Variants in LRRC9 observed in about 807,000 individuals in gnomAD.
The protein encoded by LRRC9 is leucine-rich repeat-containing protein 9.
Under a neutral mutation model 63.2 loss-of-function variants are expected in LRRC9, and 122 were observed. The observed-to-expected ratio is 1.93, with a 90% CI of 1.67 to 2.24. The LOEUF (loss-of-function observed/expected upper bound fraction) is 2.24, where lower values mean the gene tolerates loss of function less well. LRRC9 is among the 30% of genes most tolerant of loss of function. The pLI, the probability that LRRC9 is intolerant of heterozygous loss-of-function variation, is 0.00. For missense variants in LRRC9, 1,071 were observed against 627.7 expected (o/e 1.71, Z -7.55); for synonymous variants, 366 against 213.1 (o/e 1.72, Z -6.25).
intron 8 of LRRC9, among the ~76,000 whole-genome samples, chr14:59,953,709 G>A (rs999813714): frequency 6.6e-6 from 1 of 152,052 alleles, no homozygotes; most frequent in East Asian, 1.9e-4. Flanking sequence ...TGTTGCTTTT[G>A]GTGTTTTAGT....
intron 1 of LRRC9, chr14:59,920,254 C>T (rs764059959): frequency 6.6e-6 from 1 of 152,222 alleles, no homozygotes; most frequent in African/African-American, 2.4e-5. Context: ...CCCCGGAATC[C>T]ACCCTCTCTC....
At chr14:59,994,388 T>C (rs1432374916) in intron 17 of LRRC9, among the ~76,000 whole-genome samples, 1 of 152,082 alleles carries the variant, frequency 6.6e-6, no homozygotes, top group Non-Finnish European at 1.5e-5. Context: ...TATGGAGAAA[T>C]AGGAACACTT....
chr14:60,044,413 T>C (rs1286331988), intron 29 of LRRC9, among the ~76,000 whole-genome samples: 1 of 152,196 alleles, frequency 6.6e-6, no homozygotes, highest in East Asian at 1.9e-4. Flanking sequence ...CTTTCAACTT[T>C]TTTGACATAG....
At position 59,962,736 on chromosome 14, in the gene LRRC9, T is replaced by G. The variant is rs930597516; in HGVS notation, c.1211+1691T>G. ...GATTTTTAAAAATTATTTGTTTCTT[T>G]TTAAATTATTGCAGAGGAAACTCTT... On this transcript the variant is annotated intron_variant, in intron 10 of 31. Coordinates refer to ENST00000445360, the Ensembl canonical transcript of LRRC9. The surrounding 1 kb of genome is among the most constrained non-coding windows in gnomAD (Gnocchi z 5.1). Among the ~76,000 whole-genome samples, 3 of 152,034 alleles carry G rather than the reference T, an allele frequency of 2.0e-5. No homozygotes were observed. Among genetic ancestry groups the G allele is most frequent in the African/African-American group, 7.2e-5 (3 of 41,386 alleles).
chr14:60,029,101 T>C (rs1891785346), intron 28 of LRRC9, among the ~76,000 whole-genome samples: 1 of 152,142 alleles, frequency 6.6e-6, no homozygotes, highest in African/African-American at 2.4e-5. Flanking sequence ...TGGGGATGAT[T>C]CTTCCTAAGA....
chr14:59,981,643 G>C (rs1886939747), intron 15 of LRRC9, among the ~76,000 whole-genome samples: 1 of 152,072 alleles, frequency 6.6e-6, no homozygotes, highest in South Asian at 2.1e-4. Flanking sequence ...CCAGTTTTAA[G>C]AAATGTTCAG....
chr14:59,974,680 C>A, exon 13 of LRRC9: 1 of 686,812 alleles, frequency 1.5e-6, no homozygotes, highest in Non-Finnish European at 2.7e-6. Context: ...AGAAGAAAAT[C>A]TCTCTTAAGC....
intron 17 of LRRC9, among the ~76,000 whole-genome samples, chr14:59,993,959 G>A (rs377691982): frequency 8.5e-5 from 13 of 152,130 alleles, no homozygotes; most frequent in South Asian, 4.2e-4. Flanking sequence ...TGCACCAAGC[G>A]GACCTAATAG....
At chr14:60,023,248 AG>A (rs1392775872) in intron 27 of LRRC9, among the ~76,000 whole-genome samples, 1 of 152,072 alleles carries the variant, frequency 6.6e-6, no homozygotes, top group Non-Finnish European at 1.5e-5. Flanking sequence ...CCTTGATCTA[AG>A]TAGCTTAAGA....
chr14:59,928,133 T>C (rs2139763868), intron 2 of LRRC9, 135 bp from the exon 3 acceptor site: 1 of 572,990 alleles, frequency 1.7e-6, no homozygotes, highest in Non-Finnish European at 3.1e-6. Flanking sequence ...TAATCATATA[T>C]GTGATATAAC....
rs1166811275 is a variant in LRRC9 at position 60,003,311 on chromosome 14, C to A, written c.2665-310C>A. Among the ~76,000 whole-genome samples the A allele has an allele frequency of 2.0e-5, 3 of 152,182 alleles. No individual in the cohort carries two copies. The highest frequency in any genetic ancestry group is 4.4e-5 in the Non-Finnish European group (3 of 68,038). ...TGGCAGCTGTCTACAGCAAGGCAGTCCCTGCAGGGACTGACAGCTGAAGAC... is the reference window on the plus strand; with the variant it reads ...TGGCAGCTGTCTACAGCAAGGCAGTACCTGCAGGGACTGACAGCTGAAGAC... On this transcript the variant is annotated intron_variant, in intron 20 of 31. Coordinates refer to ENST00000445360, the Ensembl canonical transcript of LRRC9. This position sits in a 1 kb window ranked among gnomAD's most constrained non-coding sequence, Gnocchi z 4.2.
intron 13 of LRRC9, among the ~76,000 whole-genome samples, chr14:59,976,057 G>A (rs1270926780): frequency 5.3e-5 from 8 of 152,222 alleles, no homozygotes; most frequent in African/African-American, 9.6e-5. Flanking sequence ...ATTGTGAACC[G>A]CACATGCGAG....
At position 60,017,632 on chromosome 14, in the gene LRRC9, C is replaced by G. The variant is rs1890798336; in HGVS notation, c.3318-739C>G. Among the ~76,000 whole-genome samples, 1 of 151,998 alleles carries G rather than the reference C, an allele frequency of 6.6e-6. No homozygotes were observed. Among genetic ancestry groups the G allele is most frequent in the African/African-American group, 2.4e-5 (1 of 41,402 alleles). The stretch of plus-strand genomic sequence containing the variant: ...TTCTTGTAGCCTTTCCAAACACATC[C>G]GCTGCACTTAGGAAATACTAATGGA... On this transcript the variant is annotated intron_variant, in intron 24 of 31. Transcript: ENST00000445360. This position sits in a 1 kb window ranked among gnomAD's most constrained non-coding sequence, Gnocchi z 4.0.
At position 59,962,794 on chromosome 14, in the gene LRRC9, T is replaced by A. The variant is rs1336052775; in HGVS notation, c.1211+1749T>A. On this transcript the variant is annotated intron_variant, in intron 10 of 31. Transcript: ENST00000445360. This position sits in a 1 kb window ranked among gnomAD's most constrained non-coding sequence, Gnocchi z 5.1. ...AGTGGATTAGTGAAAAAAAAAAAAATGTAAAAGCAAAATGACCAAAAAGCC... is the reference window on the plus strand; with the variant it reads ...AGTGGATTAGTGAAAAAAAAAAAAAAGTAAAAGCAAAATGACCAAAAAGCC... Among the ~76,000 whole-genome samples, 6 of 148,744 alleles carry A rather than the reference T, an allele frequency of 4.0e-5. No homozygotes were observed. Among genetic ancestry groups the A allele is most frequent in the South Asian group, 2.1e-4 (1 of 4,728 alleles).
chr14:60,048,603 C>A (rs1441904282), intron 29 of LRRC9, among the ~76,000 whole-genome samples: 1 of 152,014 alleles, frequency 6.6e-6, no homozygotes, highest in Non-Finnish European at 1.5e-5. Flanking sequence ...GAAATTGAAT[C>A]CCTGAATAGG....
intron 31 of LRRC9, among the ~76,000 whole-genome samples, chr14:60,062,999 C>A (rs1894754866): frequency 6.6e-6 from 1 of 151,696 alleles, no homozygotes; most frequent in South Asian, 2.1e-4. Context: ...TCAAGCAATT[C>A]TCCTGCCTCA....
intron 29 of LRRC9, among the ~76,000 whole-genome samples, chr14:60,048,787 A>T (rs1490366348): frequency 6.6e-6 from 1 of 152,228 alleles, no homozygotes; most frequent in Non-Finnish European, 1.5e-5. Flanking sequence ...AACTCATTTT[A>T]TGAGGCCAGC....
chr14:59,948,153 T>C (rs1470891848), intron 8 of LRRC9, among the ~76,000 whole-genome samples: 1 of 103,254 alleles, frequency 9.7e-6, no homozygotes, highest in Non-Finnish European at 1.9e-5. Context: ...TGGAATGTTC[T>C]TCCATTTGTT....
chr14:59,951,676 G>A (rs1470888994), intron 8 of LRRC9, among the ~76,000 whole-genome samples: 2 of 148,272 alleles, frequency 1.3e-5, no homozygotes, highest in African/African-American at 2.5e-5. Flanking sequence ...ATGGGTTTTC[G>A]GTGTGGATGT....
Sources: allele counts gnomAD v4.1 joint callset (sites outside exome capture counted in the v4.1 genomes callset), GRCh38; gene constraint gnomAD v4.1.1; non-coding constraint Gnocchi (gnomAD v3.1); transcripts MANE v1.5; gene names NCBI Gene and HGNC (gene_info 2026-07-23, HGNC 2026-07-21).